Variants in SGSM2 observed in about 807,000 individuals in gnomAD.
SGSM2 encodes RUN and TBC1 domain containing 1.
SGSM2 carries 89 observed loss-of-function variants against 126.6 expected under a neutral mutation model. That is an observed-to-expected ratio of 0.70 (90% confidence interval 0.59 to 0.84). SGSM2 has a LOEUF of 0.84. SGSM2 is among the 40% of genes least tolerant of loss of function. The probability of loss-of-function intolerance (pLI) is 0.00; values close to 1 mark genes in which losing one functional copy is unlikely to be tolerated. For missense variants in SGSM2, 1,404 were observed against 1,416.6 expected, an observed-to-expected ratio of 0.99 and a Z score of 0.14; for synonymous variants, 614 against 574.3, an observed-to-expected ratio of 1.07 and a Z score of -0.99.
At chr17:2,342,621 T>C (rs1018251703) in intron 1 of SGSM2, among the ~76,000 whole-genome samples, 4 of 152,178 alleles carry the variant, frequency 2.6e-5, no homozygotes, top group Admixed American at 6.5e-5. Context: ...CGCTGTGTAA[T>C]TGTGATATGT....
Position 2,371,369 on chromosome 17 carries a change from A to G in SGSM2, c.1531A>G (p.Ser511Gly), listed in dbSNP as rs768356414. Reference protein sequence around the residue: ...GSSCLSCSSSSSPHATPSHCS... With the variant: ...GSSCLSCSSSGSPHATPSHCS... ...CTCCTGCCTCTCCTGCTCCTCCAGC[A>G]GCTCCCCACATGCAACCCCCAGCCA... The change falls in exon 13 of 24, where the codon AGC (serine) becomes GGC (glycine). Residue 511 changes from serine to glycine, a missense_variant. Transcript: ENST00000268989. 1 of 1,611,756 alleles carries G rather than the reference A, an allele frequency of 6.2e-7. No homozygotes were observed. Among genetic ancestry groups the G allele is most frequent in the Non-Finnish European group, 8.5e-7 (1 of 1,179,420 alleles).
intron 16 of SGSM2, 52 bp from the exon 17 acceptor site, chr17:2,373,274 TGAAGG>T: frequency 6.3e-7 from 1 of 1,579,632 alleles, no homozygotes; most frequent in South Asian, 1.1e-5. Context: ...GCCCAGCTCC[TGAAGG>T]GGAGGGCCTG....
chr17:2,376,555 G>A (rs1247299784), intron 19 of SGSM2, 178 bp from the exon 20 acceptor site: 1 of 749,198 alleles, frequency 1.3e-6, no homozygotes, highest in Admixed American at 2.4e-5. Flanking sequence ...GGAGTGCCTT[G>A]GGGGGGACCC....
At chr17:2,369,160 G>GC (rs1381932467) in intron 12 of SGSM2, among the ~76,000 whole-genome samples, 2 of 152,128 alleles carry the variant, frequency 1.3e-5, no homozygotes, top group Non-Finnish European at 2.9e-5. Context: ...GGGAATGGGG[G>GC]CCCCCCACCT....
intron 3 of SGSM2, 131 bp from the exon 4 acceptor site, chr17:2,361,978 C>T (rs1440144267): frequency 1.9e-5 from 26 of 1,338,128 alleles, no homozygotes; most frequent in Non-Finnish European, 2.5e-5. Flanking sequence ...CTCTGTACCC[C>T]TCCTTCACCT....
At chr17:2,379,322 G>C in intron 23 of SGSM2, 110 bp from the exon 24 acceptor site, 1 of 1,566,640 alleles carries the variant, frequency 6.4e-7, no homozygotes, top group Non-Finnish European at 8.7e-7. Context: ...CAAAGGCCGG[G>C]ATGTCAAGAA....
In SGSM2 at chr17:2,375,594, G is replaced by A. The variant is rs966936741; in HGVS notation, c.2203G>A (p.Ala735Thr). Residue 735 changes from alanine to threonine, a missense_variant, in exon 18 of 24, where the codon GCC (alanine) becomes ACC (threonine). Coordinates refer to ENST00000268989, the MANE Select transcript of SGSM2 (RefSeq NM_014853.3). ...AGCAGGACCCGGGACTCCGGGCACC[G>A]CCGTGGTGGAGCAGCAGCATTCCGT... is the stretch of plus-strand genomic sequence containing the variant. ...QEAGPGTPGT[A>T]VVEQQHSVEF... is the part of the protein sequence containing the mutation. 8.1e-6 allele frequency: 13 copies of A among 1,613,816 alleles called. No individual in the cohort carries two copies. The highest frequency in any genetic ancestry group is 1.1e-5 in the Non-Finnish European group (13 of 1,180,026).
chr17:2,360,552 C>A (rs2065266049), intron 2 of SGSM2, among the ~76,000 whole-genome samples: 1 of 152,210 alleles, frequency 6.6e-6, no homozygotes, highest in African/African-American at 2.4e-5. Context: ...AGACCCAGCA[C>A]CTCCTGAGAG....
At chr17:2,358,536 T>G (rs1174763977) in intron 2 of SGSM2, among the ~76,000 whole-genome samples, 3 of 152,062 alleles carry the variant, frequency 2.0e-5, no homozygotes, top group African/African-American at 7.2e-5. Flanking sequence ...TAGTGAGACC[T>G]CAGTCTCTAC....
rs537271721 is a variant in SGSM2, at chr17:2,362,428, C to T, written c.458+158C>T. ...CCCCCAAAACTGCAGGTGACCGCCC[C>T]GTTCCCAAAAACTGCAGGTGACCGC... is the stretch of plus-strand genomic sequence containing the variant. On this transcript the variant is annotated intron_variant, in intron 4 of 23. Transcript: ENST00000268989. The surrounding 1 kb of genome is among the most constrained non-coding windows in gnomAD (Gnocchi z 4.9). Among the ~76,000 whole-genome samples, 9 of 137,136 alleles carry T rather than the reference C, an allele frequency of 6.6e-5. 1 individual carries two copies. In the East Asian group the frequency reaches 8.9e-4, roughly 14 times the overall value. The allele number at this position is 137,136 out of a possible 152,430, so 90.0% of individuals were successfully genotyped here. A position where few individuals can be genotyped will look rare whatever the true frequency, so the allele number is the denominator to read the frequency against.
At chr17:2,368,883 G>C (rs1230140871) in intron 12 of SGSM2, among the ~76,000 whole-genome samples, 1 of 152,174 alleles carries the variant, frequency 6.6e-6, no homozygotes, top group Non-Finnish European at 1.5e-5. Context: ...TGGTAGTCAG[G>C]CTAGAGGCTG....
At position 2,376,809 on chromosome 17, in the gene SGSM2, G is replaced by C; in HGVS notation, c.2686G>C (p.Asp896His). Residue 896 changes from aspartate (D) to histidine (H), a missense_variant, in exon 20 of 24, where the codon GAC (aspartate) becomes CAC (histidine). Coordinates refer to ENST00000268989, the MANE Select transcript of SGSM2 (RefSeq NM_014853.3). Reference protein sequence around the residue: ...DLLAPLLVTLDNDQLAYSCFS... With the variant: ...DLLAPLLVTLHNDQLAYSCFS... ...GCTGGCGCCTCTCCTGGTCACCCTC[G>C]ACAATGGTGAGGGATGGCGGGACAT... 3.7e-6 allele frequency: 6 copies of C among 1,614,008 alleles called. No individual in the cohort carries two copies. The highest frequency in any genetic ancestry group is 4.2e-6 in the Non-Finnish European group (5 of 1,179,986).
chr17:2,373,692 T>C (rs1258064935), intron 17 of SGSM2, 179 bp downstream of exon 17: 2 of 603,104 alleles, frequency 3.3e-6, no homozygotes, highest in African/African-American at 3.7e-5. Context: ...TGCTGCCTAC[T>C]TCTCTGGGTA....
At chr17:2,340,671 G>T (rs890142316) in intron 1 of SGSM2, among the ~76,000 whole-genome samples, 4 of 151,188 alleles carry the variant, frequency 2.6e-5, no homozygotes, top group Admixed American at 6.6e-5. Flanking sequence ...TGCAAGCTCC[G>T]CCTCCCGGGT....
In SGSM2 at chr17:2,372,731, C is replaced by T. The variant is rs559334372; in HGVS notation, c.1789-222C>T. 82 of 805,484 alleles carry T rather than the reference C, an allele frequency of 1.0e-4. No individual in the cohort carries two copies. Among genetic ancestry groups the T allele is most frequent in the South Asian group, 5.5e-4 (30 of 54,668 alleles). The allele number at this position is 805,484 out of a possible 1,614,324, so 49.9% of individuals were successfully genotyped here. A position where few individuals can be genotyped will look rare whatever the true frequency, so the allele number is the denominator to read the frequency against. Reference sequence around the variant, plus strand: ...CCCTGGACAAAGCTTTGCCTCTCTCCGGGCGCCATTTCCTGCCCCTTAAGG... The same window carrying T: ...CCCTGGACAAAGCTTTGCCTCTCTCTGGGCGCCATTTCCTGCCCCTTAAGG... On this transcript the variant is annotated intron_variant, in intron 15 of 23. Transcript: ENST00000268989. This position sits in a 1 kb window ranked among gnomAD's most constrained non-coding sequence, Gnocchi z 6.0.
chr17:2,361,354 A>G (rs1005732824), intron 2 of SGSM2, among the ~76,000 whole-genome samples: 1 of 152,154 alleles, frequency 6.6e-6, no homozygotes, highest in Non-Finnish European at 1.5e-5. Flanking sequence ...GCCACCCTGA[A>G]TGGGGAGCTT....
At chr17:2,340,953 A>C (rs1424705377) in intron 1 of SGSM2, among the ~76,000 whole-genome samples, 3 of 152,208 alleles carry the variant, frequency 2.0e-5, no homozygotes, top group Admixed American at 2.0e-4. Context: ...TTGGTAGACC[A>C]GGCTGGCCTT....
chr17:2,360,663 G>A (rs909305386), intron 2 of SGSM2, among the ~76,000 whole-genome samples: 3 of 152,244 alleles, frequency 2.0e-5, no homozygotes, highest in African/African-American at 7.2e-5. Context: ...CTCAGAGCAA[G>A]TGACCGTGCC....
rs745938051 is a variant in SGSM2 at position 2,337,793 on chromosome 17, G to T, written c.57+48G>T. The stretch of plus-strand genomic sequence containing the variant: ...GGGGGGCTCGCGCCCTGGCCCGCGC[G>T]GCCCAGGGGGCAGAAAGGTCCGCGC... On this transcript the variant is annotated intron_variant, in intron 1 of 23. Coordinates refer to ENST00000268989, the MANE Select transcript of SGSM2 (RefSeq NM_014853.3). This position sits in a 1 kb window ranked among gnomAD's most constrained non-coding sequence, Gnocchi z 5.1. The T allele has an allele frequency of 7.0e-6, 10 of 1,420,730 alleles. No homozygotes were observed. Among genetic ancestry groups the T allele is most frequent in the Admixed American group, 2.3e-5 (1 of 43,578 alleles). 88.0% of individuals were successfully genotyped at this position (1,420,730 alleles called of 1,614,324 possible).
Sources: gnomAD v4.1 joint callset for allele counts (sites outside exome capture counted in the v4.1 genomes callset) on GRCh38, gnomAD v4.1.1 for gene constraint, Gnocchi (gnomAD v3.1) non-coding constraint, MANE v1.5 for transcripts, NCBI Gene and HGNC (gene_info 2026-07-23, HGNC 2026-07-21) for gene names.